The following DSCAM variants were observed in gnomAD, a reference collection of about 807,000 sequenced individuals.
DSCAM encodes cell adhesion molecule DSCAM.
A neutral mutation model predicts 217.7 loss-of-function variants in DSCAM; 47 were observed. That is an observed-to-expected ratio of 0.22 (90% CI 0.17 to 0.28). DSCAM has a LOEUF of 0.28. Ranked by LOEUF, DSCAM falls within the 10% of genes least tolerant of loss-of-function variation. DSCAM has a pLI of 1.00. For missense variants in DSCAM, 2,080 were observed against 2,618.3 expected (o/e 0.79, Z 4.49); for synonymous variants, 1,056 against 1,015.3 (o/e 1.04, Z -0.76).
rs2075095215 is a variant in DSCAM, at chr21:40,387,267, T to C, written c.509-18022A>G. Among the ~76,000 whole-genome samples the C allele has an allele frequency of 1.3e-5, 2 of 152,098 alleles. 1 individual carries two copies. Among genetic ancestry groups the C allele is most frequent in the South Asian group, 4.1e-4 (2 of 4,822 alleles). On this transcript the variant is annotated intron_variant, in intron 3 of 32. Transcript: ENST00000400454. The stretch of plus-strand genomic sequence containing the variant: ...CACATTTAGGGGGAAAAAACATAGT[T>C]TTAACAGCAATGAGGAAATGGAAGG...
At chr21:40,482,291 CT>C (rs2075989909) in intron 3 of DSCAM, among the ~76,000 whole-genome samples, 2 of 152,170 alleles carry the variant, frequency 1.3e-5, no homozygotes, top group Admixed American at 1.3e-4. Context: ...GTCAGAAGCA[CT>C]TTTTCTAACA....
intron 1 of DSCAM, among the ~76,000 whole-genome samples, chr21:40,730,009 G>T (rs1444363481): frequency 6.6e-6 from 1 of 152,290 alleles, no homozygotes. Flanking sequence ...ACAGACTGGA[G>T]TTGAACATTC....
intron 1 of DSCAM, among the ~76,000 whole-genome samples, chr21:40,819,874 CA>C (rs2091911723): frequency 6.6e-6 from 1 of 152,164 alleles, no homozygotes; most frequent in African/African-American, 2.4e-5. Flanking sequence ...AGGTAATTAA[CA>C]AAGGTCCTTC....
intron 11 of DSCAM, among the ~76,000 whole-genome samples, chr21:40,251,968 A>G (rs1325362031): frequency 6.6e-6 from 1 of 152,202 alleles, no homozygotes; most frequent in Admixed American, 6.5e-5. Flanking sequence ...ACAGCCAAAG[A>G]GTAAGTGAGG....
chr21:40,327,192 C>T (rs189817921), intron 8 of DSCAM, among the ~76,000 whole-genome samples: 155 of 152,126 alleles, frequency 1.0e-3, no homozygotes, highest in Admixed American at 2.4e-3. Flanking sequence ...TGTGCACAAA[C>T]GTGTGTGTAT....
chr21:40,415,977 G>C (rs115593166), intron 3 of DSCAM, among the ~76,000 whole-genome samples: 1 of 152,104 alleles, frequency 6.6e-6, no homozygotes, highest in Admixed American at 6.5e-5. Context: ...CAGGCACACA[G>C]GATTACTTCA....
rs533529732 is a variant in DSCAM, at chr21:40,721,322, C to A, written c.44-12551G>T. 2.0e-5 allele frequency among the ~76,000 whole-genome samples: 3 copies of A among 152,180 alleles called. No individual in the cohort carries two copies. In the South Asian group the frequency reaches 6.2e-4, roughly 32 times the overall value. On this transcript the variant is annotated intron_variant, in intron 1 of 32. Transcript: ENST00000400454. ...AATATGGCATATTATTAGGAGTAAA[C>A]TATTCCACAGAAAGACACATAAATG...
chr21:40,352,592 G>A (rs532527251), intron 5 of DSCAM, among the ~76,000 whole-genome samples: 1 of 152,190 alleles, frequency 6.6e-6, no homozygotes, highest in Non-Finnish European at 1.5e-5. Context: ...GGAGGAGGAA[G>A]TAAGAAAACA....
At chr21:40,335,024 G>C (rs1365481876) in intron 8 of DSCAM, among the ~76,000 whole-genome samples, 9 of 152,058 alleles carry the variant, frequency 5.9e-5, no homozygotes, top group African/African-American at 2.2e-4. Flanking sequence ...CAGCCTCTCT[G>C]TTATTCCTCA....
At chr21:40,242,453 A>G (rs1038103551) in intron 11 of DSCAM, among the ~76,000 whole-genome samples, 2 of 152,108 alleles carry the variant, frequency 1.3e-5, no homozygotes, top group African/African-American at 2.4e-5. Context: ...GAAGTGCCAT[A>G]TGTGTCTTCT....
chr21:40,282,431 C>CA lies in DSCAM; in HGVS notation c.2183-6162dup, dbSNP rs577601383. 5.1e-3 allele frequency among the ~76,000 whole-genome samples: 750 copies of CA among 146,754 alleles called. 4 individuals carry two copies. Among genetic ancestry groups the CA allele is most frequent in the African/African-American group, 0.015 (591 of 40,186 alleles). ...TGAAACCCCGTCTCTACTAAAAATA[C>CA]AAAAAAAAAATTAGCCGGGCGTGGT... On this transcript the variant is annotated intron_variant, in intron 10 of 32. Transcript: ENST00000400454.
intron 3 of DSCAM, among the ~76,000 whole-genome samples, chr21:40,609,575 T>C (rs575350711): frequency 2.0e-5 from 3 of 152,314 alleles, no homozygotes; most frequent in Admixed American, 2.0e-4. Context: ...GCATCTCTGC[T>C]CTGTGAGAAT....
At chr21:40,202,287 A>C (rs1023067644) in intron 11 of DSCAM, among the ~76,000 whole-genome samples, 1 of 152,190 alleles carries the variant, frequency 6.6e-6, no homozygotes, top group African/African-American at 2.4e-5. Context: ...CAGAGTTGTC[A>C]TGTCTGAAGC....
chr21:40,174,853 G>T (rs2090706380), intron 15 of DSCAM, among the ~76,000 whole-genome samples: 1 of 152,236 alleles, frequency 6.6e-6, no homozygotes, highest in Admixed American at 6.5e-5. Context: ...GTGGGCTGCA[G>T]CTTATGGCCT....
At chr21:40,266,672 A>ATATATATATATATAT (rs1422997672) in intron 11 of DSCAM, among the ~76,000 whole-genome samples, 2 of 45,012 alleles carry the variant, frequency 4.4e-5, no homozygotes, top group African/African-American at 1.3e-4. Context: ...TATATATATA[A>ATATATATATATATAT]TCTTGAAATT....
intron 11 of DSCAM, among the ~76,000 whole-genome samples, chr21:40,229,621 T>C (rs561186871): frequency 1.3e-5 from 2 of 152,214 alleles, no homozygotes; most frequent in Non-Finnish European, 2.9e-5. Flanking sequence ...CCAGCCTTCT[T>C]AGACTGGCTT....
chr21:40,108,073 C>G (rs1011066700), intron 20 of DSCAM, among the ~76,000 whole-genome samples: 1 of 152,180 alleles, frequency 6.6e-6, no homozygotes, highest in African/African-American at 2.4e-5. Flanking sequence ...TGGGCAAAAG[C>G]TGGAAGTATT....
At chr21:40,161,470 T>C (rs2090541004) in intron 16 of DSCAM, among the ~76,000 whole-genome samples, 1 of 152,002 alleles carries the variant, frequency 6.6e-6, no homozygotes, top group Admixed American at 6.6e-5. Context: ...AAGTAAACAA[T>C]GGTAAATGGT....
intron 3 of DSCAM, among the ~76,000 whole-genome samples, chr21:40,433,162 T>G (rs1330157195): frequency 6.6e-6 from 1 of 151,488 alleles, no homozygotes; most frequent in Admixed American, 6.6e-5. Context: ...ATAGAGACCA[T>G]CCTGGCCAAC....
Sources: allele counts gnomAD v4.1 joint callset (sites outside exome capture counted in the v4.1 genomes callset), GRCh38; gene constraint gnomAD v4.1.1; transcripts MANE v1.5; gene names NCBI Gene and HGNC (gene_info 2026-07-23, HGNC 2026-07-21).